Variants in TLK1 observed in about 807,000 individuals in gnomAD.
TLK1 encodes the protein serine/threonine-protein kinase tousled-like 1.
TLK1 carries 24 observed loss-of-function variants against 105.3 expected under a neutral mutation model. The observed-to-expected ratio is 0.23, with a 90% CI of 0.17 to 0.32. The LOEUF (loss-of-function observed/expected upper bound fraction) is 0.32. Ranked by LOEUF, TLK1 falls within the 10% of genes least tolerant of loss-of-function variation. The probability of loss-of-function intolerance (pLI) is 1.00; values close to 1 mark genes in which losing one functional copy is unlikely to be tolerated. For synonymous variants in TLK1, 321 were observed against 310.4 expected (o/e 1.03, Z -0.36); for missense variants, 558 against 910.5 (o/e 0.61, Z 4.98).
At chr2:171,015,052 A>G in intron 12 of TLK1, 104 bp from the exon 13 acceptor site, 3 of 855,742 alleles carry the variant, frequency 3.5e-6, no homozygotes, top group Admixed American at 2.2e-5. Flanking sequence ...GAAGAATAGT[A>G]TATTATAAAG....
At position 171,160,214 on chromosome 2, in the gene TLK1, G is replaced by T; in HGVS notation, c.139+76C>A. On this transcript the variant is annotated intron_variant, in intron 1 of 20. Coordinates refer to ENST00000431350, the MANE Select transcript of TLK1 (RefSeq NM_012290.5). The surrounding 1 kb of genome is among the most constrained non-coding windows in gnomAD (Gnocchi z 4.4). ...TGGCGGAGAAGCCCCGGGGCGGGGG[G>T]GGCGGGGGGGGGGCGCGGGGGTCCG... 1 of 1,262,726 alleles carries T rather than the reference G, an allele frequency of 7.9e-7. No individual in the cohort carries two copies. Among genetic ancestry groups the T allele is most frequent in the South Asian group, 2.7e-5 (1 of 37,356 alleles). 78.2% of individuals were successfully genotyped at this position (1,262,726 alleles called of 1,614,324 possible).
chr2:171,207,429 G>C (rs1220802887), intron 1 of TLK1, among the ~76,000 whole-genome samples: 1 of 152,182 alleles, frequency 6.6e-6, no homozygotes, highest in African/African-American at 2.4e-5. Context: ...TTTTAGGGCA[G>C]TATAACAGTG....
intron 14 of TLK1, among the ~76,000 whole-genome samples, chr2:171,007,790 T>C (rs549221801): frequency 6.6e-6 from 1 of 152,240 alleles, no homozygotes; most frequent in East Asian, 1.9e-4. Context: ...ACATCAGTAA[T>C]AATTCCTTCA....
chr2:171,006,789 T>C lies in TLK1; in HGVS notation c.1598+11A>G, dbSNP rs145781162. 5.5e-5 allele frequency: 89 copies of C among 1,610,086 alleles called. No individual in the cohort carries two copies. The Middle Eastern group carries it at 1.2e-3, about 21-fold the overall frequency. ...TCTTTCCTTAAAAATTGAACCTTAA[T>C]ATTCACTTACGTATCTGTATCCAAG... On this transcript the variant is annotated intron_variant, in intron 16 of 20. Coordinates refer to ENST00000431350, the MANE Select transcript of TLK1 (RefSeq NM_012290.5).
At chr2:171,165,715 A>G (rs1406695515), upstream of TLK1, among the ~76,000 whole-genome samples, 2 of 152,226 alleles carry the variant, frequency 1.3e-5, no homozygotes, top group African/African-American at 4.8e-5. Flanking sequence ...GTTCGAGACC[A>G]GCCTGACCAA....
At chr2:171,085,595 A>G (rs568133392) in intron 2 of TLK1, among the ~76,000 whole-genome samples, 1 of 152,360 alleles carries the variant, frequency 6.6e-6, no homozygotes, top group Non-Finnish European at 1.5e-5. Flanking sequence ...CTATTCAAGG[A>G]AAGAAAATAA....
At chr2:171,107,572 T>C (rs1689983517) in intron 2 of TLK1, among the ~76,000 whole-genome samples, 1 of 152,182 alleles carries the variant, frequency 6.6e-6, no homozygotes, top group Non-Finnish European at 1.5e-5. Context: ...TTCATTAAAA[T>C]GAACCAGGAA....
chr2:171,176,694 C>T (rs116239888), intron 1 of TLK1, among the ~76,000 whole-genome samples: 2,398 of 152,338 alleles, frequency 0.016, 37 homozygotes, highest in Non-Finnish European at 0.024. Context: ...TTCATAGTCT[C>T]CCTGCTTCCA....
chr2:171,057,368 T>C (rs1227097219), intron 5 of TLK1, among the ~76,000 whole-genome samples: 1 of 152,050 alleles, frequency 6.6e-6, no homozygotes, highest in Non-Finnish European at 1.5e-5. Flanking sequence ...TTATTTATTT[T>C]ATCAATAGAG....
At chr2:171,015,456 ACAC>A (rs1685133995) in intron 12 of TLK1, among the ~76,000 whole-genome samples, 1 of 128,858 alleles carries the variant, frequency 7.8e-6, no homozygotes, top group Non-Finnish European at 1.7e-5. Context: ...ACACACACAC[ACAC>A]ACAAACTGAC....
intron 1 of TLK1, among the ~76,000 whole-genome samples, chr2:171,123,438 A>C (rs1384414979): frequency 6.6e-6 from 1 of 152,100 alleles, no homozygotes; most frequent in Non-Finnish European, 1.5e-5. Context: ...CCTAATCTCA[A>C]GTGATCAGCC....
intron 2 of TLK1, among the ~76,000 whole-genome samples, chr2:171,109,307 AAGAT>A (rs1690062266): frequency 2.0e-5 from 3 of 152,232 alleles, no homozygotes; most frequent in Non-Finnish European, 4.4e-5. Context: ...CCACAACAAA[AAGAT>A]AGCTCAAAAT....
intron 10 of TLK1, among the ~76,000 whole-genome samples, chr2:171,047,916 G>A (rs1687036069): frequency 6.6e-6 from 1 of 152,110 alleles, no homozygotes; most frequent in South Asian, 2.1e-4. Flanking sequence ...ATGCTTATTA[G>A]TGAAAGTCAG....
At chr2:171,071,938 A>C (rs1473863786) in intron 3 of TLK1, among the ~76,000 whole-genome samples, 1 of 152,084 alleles carries the variant, frequency 6.6e-6, no homozygotes, top group Non-Finnish European at 1.5e-5. Context: ...CCACTGGTCT[A>C]TGTGTTTCAC....
At chr2:171,089,696 G>A (rs1177016053) in intron 2 of TLK1, among the ~76,000 whole-genome samples, 1 of 152,052 alleles carries the variant, frequency 6.6e-6, no homozygotes, top group Admixed American at 6.5e-5. Context: ...AAGAGACCAG[G>A]TCTTGCTCTG....
At chr2:171,012,322 A>G (rs1684955893) in intron 13 of TLK1, among the ~76,000 whole-genome samples, 1 of 152,142 alleles carries the variant, frequency 6.6e-6, no homozygotes. Flanking sequence ...TCCTATAACT[A>G]TGTCTGTTTT....
At chr2:171,121,351 G>A (rs917232366) in intron 1 of TLK1, among the ~76,000 whole-genome samples, 2 of 152,120 alleles carry the variant, frequency 1.3e-5, no homozygotes, top group Admixed American at 1.3e-4. Context: ...GAGCAACGTG[G>A]CAAAACCCTG....
At chr2:171,194,477 T>C (rs983722153) in intron 1 of TLK1, among the ~76,000 whole-genome samples, 1 of 152,022 alleles carries the variant, frequency 6.6e-6, no homozygotes, top group Non-Finnish European at 1.5e-5. Context: ...GCTTTGGGGG[T>C]TGAGAAAAAG....
chr2:171,046,448 A>C, intron 10 of TLK1, 86 bp from the exon 11 acceptor site: 1 of 1,395,708 alleles, frequency 7.2e-7, no homozygotes, highest in Non-Finnish European at 9.6e-7. Context: ...AAAAACATGA[A>C]AAACCATAAA....
Sources: gnomAD v4.1 joint callset for allele counts (sites outside exome capture counted in the v4.1 genomes callset) on GRCh38, gnomAD v4.1.1 for gene constraint, Gnocchi (gnomAD v3.1) non-coding constraint, MANE v1.5 for transcripts, NCBI Gene and HGNC (gene_info 2026-07-23, HGNC 2026-07-21) for gene names.